Variants in CDC42BPB observed in about 807,000 individuals in gnomAD.
The protein encoded by CDC42BPB is CDC42 binding protein kinase beta, also known as serine/threonine-protein kinase MRCK beta.
Under a neutral mutation model 214.9 loss-of-function variants are expected in CDC42BPB, and 37 were observed. The ratio of observed to expected loss-of-function variants is 0.17; its 90% CI spans 0.13 to 0.23. CDC42BPB has a LOEUF of 0.23. Ranked by LOEUF, CDC42BPB falls within the 10% of genes least tolerant of loss-of-function variation. CDC42BPB has a pLI of 1.00. For missense variants in CDC42BPB, 1,694 were observed against 2,227.0 expected (o/e 0.76, Z 4.82); for synonymous variants, 931 against 884.0 (o/e 1.05, Z -0.94).
chr14:103,020,302 G>A (rs1298009548), intron 1 of CDC42BPB, among the ~76,000 whole-genome samples: 1 of 152,200 alleles, frequency 6.6e-6, no homozygotes, highest in Non-Finnish European at 1.5e-5. Flanking sequence ...AGGGACAGAC[G>A]TCTCGCCCCC....
intron 23 of CDC42BPB, among the ~76,000 whole-genome samples, chr14:102,953,853 A>G (rs1214364848): frequency 6.6e-6 from 1 of 152,222 alleles, no homozygotes; most frequent in Non-Finnish European, 1.5e-5. Flanking sequence ...AAGTGCAGGC[A>G]GACAAATGAA....
At chr14:103,007,906 G>T (rs527312922) in intron 3 of CDC42BPB, among the ~76,000 whole-genome samples, 29 of 152,228 alleles carry the variant, frequency 1.9e-4, no homozygotes, top group Non-Finnish European at 2.6e-4. Context: ...AAAAGCGTGG[G>T]CTCCCCAGCA....
chr14:103,052,007 A>G (rs2139787870), intron 1 of CDC42BPB, among the ~76,000 whole-genome samples: 1 of 151,796 alleles, frequency 6.6e-6, no homozygotes, highest in Non-Finnish European at 1.5e-5. Flanking sequence ...ACACCCGGCT[A>G]ATTTTTGTAT....
rs761315368 is a variant in CDC42BPB at position 102,940,139 on chromosome 14, G to C, written c.4507-9C>G. 6.2e-7 allele frequency: 1 copy of C among 1,614,070 alleles called. No homozygotes were observed. Among genetic ancestry groups the C allele is most frequent in the East Asian group, 2.2e-5 (1 of 44,882 alleles). ...GAGTTCAGGGGCCTTATCTGGATTGGAAACCAGGGAGGGACAGTAAGCGCG... is the reference window on the plus strand; with the variant it reads ...GAGTTCAGGGGCCTTATCTGGATTGCAAACCAGGGAGGGACAGTAAGCGCG... On this transcript the variant is annotated splice_polypyrimidine_tract_variant and intron_variant, in intron 31 of 36. Coordinates refer to ENST00000361246, the MANE Select transcript of CDC42BPB (RefSeq NM_006035.4).
intron 1 of CDC42BPB, among the ~76,000 whole-genome samples, chr14:103,025,060 A>G (rs1886976070): frequency 6.6e-6 from 1 of 152,098 alleles, no homozygotes; most frequent in African/African-American, 2.4e-5. Flanking sequence ...TGAATTCAGA[A>G]AAGTCTGGTT....
At chr14:103,023,844 T>C (rs1187557106) in intron 1 of CDC42BPB, among the ~76,000 whole-genome samples, 3 of 152,186 alleles carry the variant, frequency 2.0e-5, no homozygotes, top group Non-Finnish European at 4.4e-5. Flanking sequence ...CAGAGGTATT[T>C]AAGATCACGC....
At chr14:102,934,658 C>T (rs34641434) in intron 36 of CDC42BPB, among the ~76,000 whole-genome samples, 2,166 of 152,274 alleles carry the variant, frequency 0.014, 58 homozygotes, top group African/African-American at 0.05. Context: ...AGAGGGGAAC[C>T]TCCTCAACAA....
intron 1 of CDC42BPB, among the ~76,000 whole-genome samples, chr14:103,016,677 A>C (rs926457231): frequency 3.3e-5 from 5 of 152,098 alleles, no homozygotes; most frequent in African/African-American, 1.2e-4. Context: ...ATAGATAAGG[A>C]AGAAAACGAG....
intron 5 of CDC42BPB, among the ~76,000 whole-genome samples, chr14:102,995,405 C>A (rs1894682504): frequency 1.3e-5 from 2 of 152,210 alleles, no homozygotes; most frequent in Admixed American, 1.3e-4. Context: ...AAACTCCTGA[C>A]CTCAGGTGAT....
chr14:102,966,263 G>A lies in CDC42BPB; in HGVS notation c.2577+19C>T. On this transcript the variant is annotated intron_variant, in intron 18 of 36. Coordinates refer to ENST00000361246, the MANE Select transcript of CDC42BPB (RefSeq NM_006035.4). Reference sequence around the variant, plus strand: ...CGAATTATTCAGTAATAGAAATGCAGGCATTACACAAAACCTACCAGTGTT... The same window carrying A: ...CGAATTATTCAGTAATAGAAATGCAAGCATTACACAAAACCTACCAGTGTT... 6.5e-7 allele frequency: 1 copy of A among 1,528,210 alleles called. No homozygotes were observed. The highest frequency in any genetic ancestry group is 9.1e-7 in the Non-Finnish European group (1 of 1,101,832). 94.7% of individuals were successfully genotyped at this position (1,528,210 alleles called of 1,614,324 possible).
intron 1 of CDC42BPB, among the ~76,000 whole-genome samples, chr14:103,012,881 C>G (rs564114788): frequency 8.5e-5 from 13 of 152,198 alleles, no homozygotes; most frequent in Non-Finnish European, 1.5e-5. Flanking sequence ...AACTGTCGCA[C>G]GCTGCACAGG....
intron 13 of CDC42BPB, among the ~76,000 whole-genome samples, chr14:102,971,522 C>A (rs1472904043): frequency 6.6e-6 from 1 of 152,190 alleles, no homozygotes; most frequent in Admixed American, 6.5e-5. Flanking sequence ...AACTCCTAAA[C>A]TCAACGATCC....
chr14:102,933,060 C>A lies in CDC42BPB; in HGVS notation c.*652G>T, dbSNP rs1891467157. The A allele has an allele frequency of 6.6e-6, 1 of 152,460 alleles. No homozygotes were observed. The highest frequency in any genetic ancestry group is 1.5e-5 in the Non-Finnish European group (1 of 68,058). The allele number at this position is 152,460 out of a possible 1,614,324, so 9.4% of individuals were successfully genotyped here. On this transcript the variant is annotated 3_prime_UTR_variant, in exon 37 of 37. Coordinates refer to ENST00000361246, the MANE Select transcript of CDC42BPB (RefSeq NM_006035.4). ...ATGGAAAACAGCACAGCTGACTTCA[C>A]AGTAGTAGATACTGGTGACACTTCA...
chr14:103,023,406 A>G (rs1886877183), intron 1 of CDC42BPB, among the ~76,000 whole-genome samples: 1 of 151,908 alleles, frequency 6.6e-6, no homozygotes, highest in Admixed American at 6.6e-5. Flanking sequence ...ACCTCAGGTG[A>G]TCCACCTGCC....
intron 22 of CDC42BPB, 119 bp downstream of exon 22, chr14:102,954,483 C>T: frequency 7.2e-7 from 1 of 1,387,864 alleles, no homozygotes; most frequent in Non-Finnish European, 9.6e-7. Context: ...TGGGCTTGAG[C>T]ACCTGGGCAG....
chr14:102,966,900 G>T, intron 17 of CDC42BPB, 146 bp downstream of exon 17: 1 of 909,364 alleles, frequency 1.1e-6, no homozygotes, highest in Non-Finnish European at 1.7e-6. Context: ...GACATGAGAA[G>T]TTCTGGGGAA....
intron 7 of CDC42BPB, among the ~76,000 whole-genome samples, chr14:102,981,765 G>A (rs779604967): frequency 2.8e-4 from 42 of 152,192 alleles, no homozygotes; most frequent in Non-Finnish European, 1.3e-4. Flanking sequence ...TGACAAGAGC[G>A]AGATTCCAGC....
intron 36 of CDC42BPB, among the ~76,000 whole-genome samples, chr14:102,935,397 G>C (rs554912951): frequency 1.3e-5 from 2 of 152,090 alleles, no homozygotes; most frequent in African/African-American, 4.8e-5. Flanking sequence ...AACCAGAGAA[G>C]GGAAAAATGT....
At chr14:103,016,009 C>G (rs970159762) in intron 1 of CDC42BPB, among the ~76,000 whole-genome samples, 1 of 152,118 alleles carries the variant, frequency 6.6e-6, no homozygotes, top group African/African-American at 2.4e-5. Flanking sequence ...AGCCACTGCG[C>G]CCGGCCGAGG....
Sources: gnomAD v4.1 joint callset for allele counts (sites outside exome capture counted in the v4.1 genomes callset) on GRCh38, gnomAD v4.1.1 for gene constraint, MANE v1.5 for transcripts, NCBI Gene and HGNC (gene_info 2026-07-23, HGNC 2026-07-21) for gene names.